The following DOCK3 variants were observed in gnomAD, a reference collection of about 807,000 sequenced individuals.
The protein encoded by DOCK3 is dedicator of cytokinesis protein 3.
DOCK3 carries 60 observed loss-of-function variants against 265.6 expected under a neutral mutation model. The observed-to-expected ratio is 0.23, with a 90% CI of 0.18 to 0.28. The LOEUF (loss-of-function observed/expected upper bound fraction) is 0.28, where lower values mean the gene tolerates loss of function less well. Ranked by LOEUF, DOCK3 falls within the 10% of genes least tolerant of loss-of-function variation. The pLI, the probability that DOCK3 is intolerant of heterozygous loss-of-function variation, is 1.00. For synonymous variants in DOCK3, 881 were observed against 938.0 expected (o/e 0.94, Z 1.11); for missense variants, 1,981 against 2,594.3 (o/e 0.76, Z 5.14).
At chr3:51,313,023 A>G (rs2083176519) in intron 31 of DOCK3, 121 bp downstream of exon 31, 9 of 884,192 alleles carry the variant, frequency 1.0e-5, no homozygotes, top group Non-Finnish European at 1.6e-5. Flanking sequence ...ATCCTTACAT[A>G]TCTTTCACAT....
intron 4 of DOCK3, among the ~76,000 whole-genome samples, chr3:50,897,369 A>G (rs570295823): frequency 6.6e-5 from 10 of 152,352 alleles, no homozygotes; most frequent in Non-Finnish European, 1.5e-5. Flanking sequence ...TATCAGCCTA[A>G]GGAGATTTTG....
chr3:51,034,485 A>G (rs945183910), intron 5 of DOCK3, among the ~76,000 whole-genome samples: 2 of 152,126 alleles, frequency 1.3e-5, no homozygotes, highest in African/African-American at 4.8e-5. Context: ...TTCACATGAA[A>G]TGTAGATACT....
intron 12 of DOCK3, among the ~76,000 whole-genome samples, chr3:51,179,910 C>CA (rs1011290630): frequency 1.3e-5 from 2 of 149,782 alleles, no homozygotes; most frequent in Admixed American, 6.6e-5. Context: ...GACCTTGTCT[C>CA]AAAAAAAACA....
intron 27 of DOCK3, among the ~76,000 whole-genome samples, chr3:51,287,694 T>A (rs1015118999): frequency 6.6e-6 from 1 of 152,212 alleles, no homozygotes; most frequent in African/African-American, 2.4e-5. Flanking sequence ...AATGGGAATG[T>A]AAATTAGTCC....
intron 9 of DOCK3, among the ~76,000 whole-genome samples, chr3:51,126,609 C>T (rs1253639426): frequency 6.6e-6 from 1 of 152,162 alleles, no homozygotes; most frequent in Non-Finnish European, 1.5e-5. Context: ...GTCCTGTCAT[C>T]AGAGCCTTGC....
chr3:51,347,412 T>C (rs1466823653), intron 38 of DOCK3, among the ~76,000 whole-genome samples: 1 of 152,222 alleles, frequency 6.6e-6, no homozygotes, highest in Non-Finnish European at 1.5e-5. Context: ...TCCCCATTGC[T>C]TGTTTTTGTC....
rs374162780 is a variant in DOCK3, at chr3:51,246,806, G to A, written c.2183G>A (p.Arg728Gln). 3.1e-6 allele frequency: 5 copies of A among 1,612,358 alleles called. No homozygotes were observed. The highest frequency in any genetic ancestry group is 3.3e-5 in the Admixed American group (2 of 59,790). Residue 728 changes from arginine (R) to glutamine (Q), a missense_variant and splice_region_variant, in exon 22 of 53, where the codon CGG becomes CAG. Arg to Gln is a conservative substitution (Grantham distance 43, BLOSUM62 1). Around this residue, in one of 4 missense-constraint regions of DOCK3, gnomAD observed 1,357 missense variants for 1,866.8 expected, o/e 0.73. Transcript: ENST00000266037. ...CAGGACCACATTCAAGAAGCTATGC[G>A]GGTAATGTACTAACCTCTCCATACA... ...IRQDHIQEAMRALEYLFKFIV... is the reference protein window; with the variant it reads ...IRQDHIQEAMQALEYLFKFIV...
chr3:50,888,409 G>C (rs1038213302), intron 3 of DOCK3, among the ~76,000 whole-genome samples: 16 of 152,212 alleles, frequency 1.1e-4, no homozygotes, highest in South Asian at 4.1e-4. Context: ...TAGGAAGAAT[G>C]CATATCGTGA....
intron 21 of DOCK3, among the ~76,000 whole-genome samples, chr3:51,242,696 G>A (rs2078661869): frequency 6.6e-6 from 1 of 152,156 alleles, no homozygotes; most frequent in Non-Finnish European, 1.5e-5. Context: ...GTTAGAGCAA[G>A]GGTGGGGCAC....
intron 3 of DOCK3, among the ~76,000 whole-genome samples, chr3:50,878,339 A>T (rs2047823816): frequency 6.6e-6 from 1 of 152,232 alleles, no homozygotes; most frequent in Admixed American, 6.5e-5. Context: ...TCCGAGCTAA[A>T]GGAGGATATT....
intron 5 of DOCK3, among the ~76,000 whole-genome samples, chr3:50,981,853 ATTTATTTTATTTTT>A (rs1390921852): frequency 2.0e-5 from 3 of 151,032 alleles, no homozygotes; most frequent in African/African-American, 7.3e-5. Context: ...TATTTATTTT[ATTTATTTTATTTTT>A]GAGATGGAGT....
intron 7 of DOCK3, among the ~76,000 whole-genome samples, chr3:51,083,503 G>A (rs1165484598): frequency 2.0e-5 from 3 of 152,066 alleles, no homozygotes; most frequent in Non-Finnish European, 2.9e-5. Context: ...GATTAAAGAA[G>A]CTCAGTGAGA....
intron 6 of DOCK3, among the ~76,000 whole-genome samples, chr3:51,069,362 T>C (rs893304144): frequency 6.6e-6 from 1 of 152,146 alleles, no homozygotes; most frequent in Non-Finnish European, 1.5e-5. Flanking sequence ...CAACATCTTC[T>C]CTAAAGATGC....
chr3:50,786,679 G>C lies in DOCK3; in HGVS notation c.121+7921G>C, dbSNP rs1220321722. 8 of 637,414 alleles carry C rather than the reference G, an allele frequency of 1.3e-5. No individual in the cohort carries two copies. The Admixed American group carries it at 1.6e-4, about 13-fold the overall frequency. 39.5% of individuals were successfully genotyped at this position (637,414 alleles called of 1,614,324 possible). ...GCCTTTATGATTTATGAAATCTTTT[G>C]CCACAGATTTCACAGATAAAGGGTT... On this transcript the variant is annotated intron_variant, in intron 2 of 52. Transcript: ENST00000266037.
chr3:50,796,186 G>A (rs1344371951), intron 2 of DOCK3, among the ~76,000 whole-genome samples: 8 of 142,916 alleles, frequency 5.6e-5, no homozygotes, highest in Middle Eastern at 4.4e-3. Flanking sequence ...GACTATAGGC[G>A]CCCACCACCA....
rs371757411 is a variant in DOCK3, at chr3:51,381,804, C to G, written c.*245C>G. 3 of 458,532 alleles carry G rather than the reference C, an allele frequency of 6.5e-6. No homozygotes were observed. The highest frequency in any genetic ancestry group is 6.9e-5 in the East Asian group (2 of 29,064). The allele number at this position is 458,532 out of a possible 1,614,324, so 28.4% of individuals were successfully genotyped here. ...TACATTTCCATTTCTATGGGTTTTC[C>G]TTTCTTTCCTTTATGCAGTAGATGC... On this transcript the variant is annotated 3_prime_UTR_variant, in exon 53 of 53. Transcript: ENST00000266037. The surrounding 1 kb of genome is among the most constrained non-coding windows in gnomAD (Gnocchi z 5.6).
At chr3:51,269,119 G>GTC (rs370203478) in intron 23 of DOCK3, among the ~76,000 whole-genome samples, 17 of 145,788 alleles carry the variant, frequency 1.2e-4, no homozygotes, top group East Asian at 7.9e-4. Context: ...CTCTCTCACT[G>GTC]TCTCTCTCTC....
At chr3:51,293,442 T>G (rs1233165719) in intron 27 of DOCK3, among the ~76,000 whole-genome samples, 2 of 152,118 alleles carry the variant, frequency 1.3e-5, no homozygotes, top group African/African-American at 2.4e-5. Flanking sequence ...AGAATGAAAG[T>G]AGACCTTTAT....
chr3:51,186,875 T>C (rs920572856), intron 12 of DOCK3, among the ~76,000 whole-genome samples: 2 of 152,142 alleles, frequency 1.3e-5, no homozygotes, highest in Non-Finnish European at 1.5e-5. Flanking sequence ...AGAGGATGTA[T>C]GGAAATGCCT....
Sources: gnomAD v4.1 joint callset for allele counts (sites outside exome capture counted in the v4.1 genomes callset) on GRCh38, gnomAD v4.1.1 for gene constraint, gnomAD v4.1.1 regional missense constraint, Gnocchi (gnomAD v3.1) non-coding constraint, MANE v1.5 for transcripts, NCBI Gene and HGNC (gene_info 2026-07-23, HGNC 2026-07-21) for gene names.